Variants in SPON1 observed in about 807,000 individuals in gnomAD.
SPON1 encodes spondin 1.
A neutral mutation model predicts 111.7 loss-of-function variants in SPON1; 52 were observed. The observed-to-expected ratio is 0.47, with a 90% CI of 0.37 to 0.59. The LOEUF (loss-of-function observed/expected upper bound fraction) is 0.59, where lower values mean the gene tolerates loss of function less well. Ranked by LOEUF, SPON1 falls within the 20% of genes least tolerant of loss-of-function variation. SPON1 has a pLI of 0.00. For synonymous variants in SPON1, 410 were observed against 395.8 expected, an observed-to-expected ratio of 1.04 and a Z score of -0.43; for missense variants, 957 against 1,068.5, an observed-to-expected ratio of 0.90 and a Z score of 1.46.
intron 6 of SPON1, among the ~76,000 whole-genome samples, chr11:14,206,242 G>A (rs1554936172): frequency 1.3e-5 from 2 of 152,030 alleles, no homozygotes; most frequent in Non-Finnish European, 2.9e-5. Flanking sequence ...CACCCAGGCT[G>A]GAATGCAGTG....
chr11:13,989,893 G>A lies in SPON1; in HGVS notation c.345+6940G>A, dbSNP rs183682112. On this transcript the variant is annotated intron_variant, in intron 2 of 15. Transcript: ENST00000576479. Reference sequence around the variant, plus strand: ...CCTAATTGTGAGTTCTAGTTTGATTGCACTGTGGTCTGAGAGACAGTTTGC... The same window carrying A: ...CCTAATTGTGAGTTCTAGTTTGATTACACTGTGGTCTGAGAGACAGTTTGC... 7.9e-5 allele frequency among the ~76,000 whole-genome samples: 12 copies of A among 152,296 alleles called. No individual in the cohort carries two copies. The East Asian group carries it at 2.3e-3, about 29-fold the overall frequency.
intron 6 of SPON1, among the ~76,000 whole-genome samples, chr11:14,173,783 G>C (rs567875764): frequency 6.6e-6 from 1 of 152,314 alleles, no homozygotes; most frequent in Non-Finnish European, 1.5e-5. Flanking sequence ...CTGGGTGTCA[G>C]CAGTGGTGGC....
In SPON1 at chr11:14,067,380, A is replaced by G. The variant is rs530958254; in HGVS notation, c.480-7965A>G. On this transcript the variant is annotated intron_variant, in intron 3 of 15. Transcript: ENST00000576479. ...AGGTTGGCTGATGATGGCTTCAACA[A>G]ATAGAGGTTTATTTTTCCCATACCA... Among the ~76,000 whole-genome samples, 36 of 152,270 alleles carry G rather than the reference A, an allele frequency of 2.4e-4. No homozygotes were observed. In the South Asian group the frequency reaches 7.5e-3, roughly 32 times the overall value.
chr11:14,223,920 G>T (rs1201786714), intron 6 of SPON1, among the ~76,000 whole-genome samples: 1 of 152,148 alleles, frequency 6.6e-6, no homozygotes, highest in Admixed American at 6.5e-5. Context: ...TACTGATGAC[G>T]GGCTCTTTTA....
intron 6 of SPON1, among the ~76,000 whole-genome samples, chr11:14,161,191 C>A (rs1249925404): frequency 4.3e-4 from 12 of 27,942 alleles, no homozygotes; most frequent in Non-Finnish European, 1.1e-3. Flanking sequence ...ATTTATATAT[C>A]TATATATATT....
chr11:13,986,662 C>T (rs967162968), intron 2 of SPON1, among the ~76,000 whole-genome samples: 4 of 151,594 alleles, frequency 2.6e-5, no homozygotes, highest in East Asian at 1.9e-4. Flanking sequence ...TTGCTGCACT[C>T]ATAAACCCGT....
At chr11:14,098,652 CAGAGAG>C (rs10586411) in intron 5 of SPON1, among the ~76,000 whole-genome samples, 104 of 146,394 alleles carry the variant, frequency 7.1e-4, no homozygotes, top group Non-Finnish European at 1.3e-3. Context: ...ATATGAAAGG[CAGAGAG>C]AGAGAGAGGG....
intron 6 of SPON1, among the ~76,000 whole-genome samples, chr11:14,176,345 C>T (rs548706998): frequency 2.6e-5 from 4 of 152,214 alleles, no homozygotes; most frequent in East Asian, 3.9e-4. Flanking sequence ...TCTGAGAAAC[C>T]GCCTCAAAAT....
At position 14,141,030 on chromosome 11, in the gene SPON1, A is replaced by AC. The variant is rs1396953459; in HGVS notation, c.825+5462_825+5463insC. ...CACTGTATGCAGGCGTGCCCCCCCC[A>AC]TGCCCCACTTCTCACTGGCTCAAGA... is the stretch of plus-strand genomic sequence containing the variant. On this transcript the variant is annotated intron_variant, in intron 6 of 15. Coordinates refer to ENST00000576479, the MANE Select transcript of SPON1 (RefSeq NM_006108.4). Among the ~76,000 whole-genome samples the AC allele has an allele frequency of 1.1e-4, 7 of 61,346 alleles. No homozygotes were observed. The East Asian group carries it at 2.2e-3, about 20-fold the overall frequency. 40.2% of individuals were successfully genotyped at this position (61,346 alleles called of 152,430 possible).
chr11:14,081,464 G>A (rs142833892), intron 5 of SPON1, among the ~76,000 whole-genome samples: 1 of 152,078 alleles, frequency 6.6e-6, no homozygotes, highest in African/African-American at 2.4e-5. Context: ...AGTTTACTGG[G>A]GAGGAGAGAG....
intron 1 of SPON1, among the ~76,000 whole-genome samples, chr11:13,964,083 C>G (rs781978110): frequency 3.4e-4 from 51 of 152,192 alleles, no homozygotes; most frequent in South Asian, 6.2e-4. Flanking sequence ...CAGCACCGAT[C>G]TGAAGACGCC....
rs75412421 is a variant in SPON1 at position 14,236,002 on chromosome 11, G to A, written c.826-7330G>A. ...CCGAAACCCAGGTTGTGGAAGAGTA[G>A]TAAGAGATGAGGCTCAGGAGGACAG... On this transcript the variant is annotated intron_variant, in intron 6 of 15. Transcript: ENST00000576479. Among the ~76,000 whole-genome samples, 1,210 of 152,282 alleles carry A rather than the reference G, an allele frequency of 7.9e-3. 12 individuals are homozygous for A. The highest frequency in any genetic ancestry group is 0.028 in the African/African-American group (1,152 of 41,546).
At chr11:14,211,103 T>C (rs1160550891) in intron 6 of SPON1, among the ~76,000 whole-genome samples, 10 of 152,120 alleles carry the variant, frequency 6.6e-5, no homozygotes, top group African/African-American at 2.4e-4. Flanking sequence ...TTAGGTTCCA[T>C]ATGAAATTTA....
At chr11:14,227,222 G>C (rs1016869591) in intron 6 of SPON1, among the ~76,000 whole-genome samples, 2 of 152,044 alleles carry the variant, frequency 1.3e-5, no homozygotes, top group African/African-American at 2.4e-5. Context: ...ATGTTGCCCA[G>C]GCTGGTCTCA....
intron 2 of SPON1, among the ~76,000 whole-genome samples, chr11:13,994,918 A>AT (rs1848259876): frequency 6.6e-6 from 1 of 152,196 alleles, no homozygotes; most frequent in South Asian, 2.1e-4. Flanking sequence ...TTCTTTCTCT[A>AT]TATAGTATAA....
intron 2 of SPON1, among the ~76,000 whole-genome samples, chr11:13,990,183 G>C (rs1383547532): frequency 6.6e-6 from 1 of 152,016 alleles, no homozygotes; most frequent in Non-Finnish European, 1.5e-5. Context: ...GGGAGTCTAA[G>C]TCTCTTTGTG....
rs183216336 is a variant in SPON1, at chr11:14,021,662, G to A, written c.346-19859G>A. Among the ~76,000 whole-genome samples, 6 of 152,296 alleles carry A rather than the reference G, an allele frequency of 3.9e-5. No individual in the cohort carries two copies. The East Asian group carries it at 1.2e-3, about 29-fold the overall frequency. On this transcript the variant is annotated intron_variant, in intron 2 of 15. Transcript: ENST00000576479. ...CTTCAGAAAACCCAAGGCCCTGGAA[G>A]GAGGAGTTCTCCAAGTTCCTACAAG...
chr11:13,973,496 A>G (rs185461955), intron 1 of SPON1, among the ~76,000 whole-genome samples: 2 of 152,300 alleles, frequency 1.3e-5, no homozygotes, highest in Admixed American at 1.3e-4. Flanking sequence ...GGACCCATTC[A>G]TCTGGCTCTG....
intron 6 of SPON1, among the ~76,000 whole-genome samples, chr11:14,239,236 G>C (rs575032587): frequency 6.6e-6 from 1 of 152,284 alleles, no homozygotes; most frequent in South Asian, 2.1e-4. Flanking sequence ...AGTCAATTCT[G>C]ATATGAACTT....
Sources: gnomAD v4.1 joint callset for allele counts (sites outside exome capture counted in the v4.1 genomes callset) on GRCh38, gnomAD v4.1.1 for gene constraint, MANE v1.5 for transcripts, NCBI Gene and HGNC (gene_info 2026-07-23, HGNC 2026-07-21) for gene names.